Variants in RNF17 observed in about 807,000 individuals in gnomAD.
The protein encoded by RNF17 is spermatogenesis associated 23.
A neutral mutation model predicts 200.5 loss-of-function variants in RNF17; 31 were observed. The ratio of observed to expected loss-of-function variants is 0.15; its 90% CI spans 0.12 to 0.21. RNF17 has a LOEUF of 0.21. Among genes scored for constraint, RNF17 ranks in the 10% least tolerant of loss-of-function variants. The probability of loss-of-function intolerance (pLI) is 1.00; values close to 1 mark genes in which losing one functional copy is unlikely to be tolerated. For missense variants in RNF17, 1,628 were observed against 1,905.1 expected (o/e 0.85, Z 2.71); for synonymous variants, 606 against 637.8 (o/e 0.95, Z 0.75).
At chr13:24,776,408 T>G (rs887890765) in intron 3 of RNF17, among the ~76,000 whole-genome samples, 5 of 152,336 alleles carry the variant, frequency 3.3e-5, no homozygotes, top group African/African-American at 1.2e-4. Flanking sequence ...AACAAAAGAA[T>G]GGTTTTAGCC....
At chr13:24,877,409 G>A (rs936609104) in intron 34 of RNF17, among the ~76,000 whole-genome samples, 5 of 152,058 alleles carry the variant, frequency 3.3e-5, no homozygotes, top group African/African-American at 1.2e-4. Flanking sequence ...TACCCCTGTG[G>A]TGATATAAAA....
chr13:24,864,815 T>C, intron 28 of RNF17, 58 bp from the exon 29 acceptor site: 1 of 1,278,804 alleles, frequency 7.8e-7, no homozygotes, highest in East Asian at 2.4e-5. Flanking sequence ...TTGCTGACTA[T>C]AAAAATGTCA....
intron 15 of RNF17, among the ~76,000 whole-genome samples, chr13:24,805,038 A>T (rs889796211): frequency 6.6e-6 from 1 of 152,144 alleles, no homozygotes; most frequent in Non-Finnish European, 1.5e-5. Context: ...CTTGCCCAAG[A>T]TCACACAGCT....
intron 33 of RNF17, among the ~76,000 whole-genome samples, chr13:24,874,831 C>T (rs1291063202): frequency 6.6e-6 from 1 of 152,218 alleles, no homozygotes; most frequent in Non-Finnish European, 1.5e-5. Flanking sequence ...AAACCCTGCA[C>T]CTGTTAAGTA....
intron 24 of RNF17, among the ~76,000 whole-genome samples, chr13:24,852,046 C>T (rs928733348): frequency 4.6e-5 from 7 of 151,644 alleles, no homozygotes; most frequent in African/African-American, 7.3e-5. Context: ...AAGATCCTTT[C>T]GGGTTCTATG....
chr13:24,868,295 C>G (rs956370584), intron 30 of RNF17, among the ~76,000 whole-genome samples: 12 of 149,846 alleles, frequency 8.0e-5, no homozygotes, highest in Non-Finnish European at 5.9e-5. Context: ...ACGGTGAAAC[C>G]CCGTCTCTAC....
At chr13:24,832,037 A>C in intron 18 of RNF17, 59 bp downstream of exon 18, 1 of 1,187,036 alleles carries the variant, frequency 8.4e-7, no homozygotes, top group South Asian at 1.6e-5. Flanking sequence ...TAATATGAAT[A>C]ACATTTGTCA....
At chr13:24,858,188 C>T (rs1229243912) in intron 25 of RNF17, among the ~76,000 whole-genome samples, 3 of 151,990 alleles carry the variant, frequency 2.0e-5, no homozygotes, top group Non-Finnish European at 4.4e-5. Flanking sequence ...TTGTTGATCT[C>T]CTAAATATAT....
chr13:24,792,733 C>A (rs1884029290), intron 9 of RNF17, among the ~76,000 whole-genome samples: 1 of 152,154 alleles, frequency 6.6e-6, no homozygotes, highest in African/African-American at 2.4e-5. Flanking sequence ...GCTTCTTAAA[C>A]ACTGATCTGT....
At chr13:24,885,128 A>T in the RNF17 span, 1 of 648,008 alleles carries the variant, frequency 1.5e-6, no homozygotes, top group Non-Finnish European at 2.7e-6. Flanking sequence ...CAGAGATTGT[A>T]TGCCGCCTTT....
intron 18 of RNF17, among the ~76,000 whole-genome samples, chr13:24,840,232 A>G (rs2121251): frequency 6.6e-6 from 1 of 151,894 alleles, no homozygotes; most frequent in African/African-American, 2.4e-5. Context: ...AAAACAATAG[A>G]TGCATGCGTG....
rs374579680 is a variant in RNF17 at position 24,842,109 on chromosome 13, A to G, written c.2551A>G (p.Thr851Ala). 3.7e-6 allele frequency: 6 copies of G among 1,609,734 alleles called. No homozygotes were observed. Among genetic ancestry groups the G allele is most frequent in the African/African-American group, 2.7e-5 (2 of 74,780 alleles). The change falls in exon 19 of 36, where the codon ACT (threonine) becomes GCT (alanine). Residue 851 changes from threonine to alanine, a missense_variant. Thr to Ala is a moderately conservative substitution (Grantham distance 58). Transcript: ENST00000255324. The stretch of plus-strand genomic sequence containing the variant: ...TCTTGGTGCTCCTGAAATGACTACT[A>G]CTAGTATTAATGACCAGCTAGTTAA... ...DSLGAPEMTTTSINDQLVKEG... is the reference protein window; with the variant it reads ...DSLGAPEMTTASINDQLVKEG...
chr13:24,773,441 T>G (rs759287742), intron 2 of RNF17, among the ~76,000 whole-genome samples: 1 of 152,102 alleles, frequency 6.6e-6, no homozygotes, highest in Admixed American at 6.6e-5. Flanking sequence ...CCTAAGCAAA[T>G]TAATGCAGAA....
intron 18 of RNF17, among the ~76,000 whole-genome samples, chr13:24,841,751 G>A (rs2138124041): frequency 6.6e-6 from 1 of 152,156 alleles, no homozygotes; most frequent in South Asian, 2.1e-4. Context: ...TTGAGGTCAG[G>A]AGTTCAAGAC....
chr13:24,804,920 C>T (rs1267112958), intron 15 of RNF17, among the ~76,000 whole-genome samples: 2 of 151,850 alleles, frequency 1.3e-5, no homozygotes, highest in Non-Finnish European at 2.9e-5. Context: ...ATCATAAGGC[C>T]CTTAAGACTT....
In RNF17 at chr13:24,864,980, T is replaced by TGAG. The variant is rs749081669; in HGVS notation, c.4087_4089dup (p.Glu1363dup). On this transcript the variant is annotated inframe_insertion, in exon 29 of 36. Transcript: ENST00000255324. The stretch of plus-strand genomic sequence containing the variant: ...ATAAATACTGTACTTCTGAACATAC[T>TGAG]GAGGAGATGTTGAAAGAAGTAAGTG... 1.5e-5 allele frequency: 23 copies of TGAG among 1,555,608 alleles called. No individual in the cohort carries two copies. The highest frequency in any genetic ancestry group is 2.1e-5 in the Admixed American group (1 of 47,920).
chr13:24,885,413 C>G, the RNF17 span: 3 of 1,481,784 alleles, frequency 2.0e-6, no homozygotes, highest in East Asian at 6.8e-5. Flanking sequence ...TTTCAAGCAG[C>G]TAAAACCTAC....
At chr13:24,827,561 G>A (rs1888820492) in intron 16 of RNF17, among the ~76,000 whole-genome samples, 1 of 151,426 alleles carries the variant, frequency 6.6e-6, no homozygotes, top group Non-Finnish European at 1.5e-5. Context: ...AATTAGCCGG[G>A]CGTAGTGGCG....
chr13:24,860,922 G>T (rs1454876159), intron 26 of RNF17, among the ~76,000 whole-genome samples: 1 of 150,828 alleles, frequency 6.6e-6, no homozygotes, highest in African/African-American at 2.4e-5. Context: ...CTGTCACCAG[G>T]CTTGGAGTGC....
Sources: allele counts gnomAD v4.1 joint callset (sites outside exome capture counted in the v4.1 genomes callset), GRCh38; gene constraint gnomAD v4.1.1; transcripts MANE v1.5; gene names NCBI Gene and HGNC (gene_info 2026-07-23, HGNC 2026-07-21).